The following TGM7 variants were observed in gnomAD, a reference collection of about 807,000 sequenced individuals.
TGM7 encodes transglutaminase 7, also known as protein-glutamine gamma-glutamyltransferase Z.
In TGM7, 74 loss-of-function variants were observed where a neutral mutation model predicts 79.5. The ratio of observed to expected loss-of-function variants is 0.93; its 90% CI spans 0.77 to 1.13. The LOEUF is 1.13. Among genes scored for constraint, TGM7 ranks in the 50% most tolerant of loss-of-function variants. TGM7 has a pLI of 0.00. For missense variants in TGM7, 912 were observed against 905.9 expected (o/e 1.01, Z -0.09); for synonymous variants, 354 against 362.5 (o/e 0.98, Z 0.27).
At chr15:43,293,681 C>T (rs2042977066) in intron 1 of TGM7, 50 bp from the exon 2 acceptor site, 1 of 1,450,902 alleles carries the variant, frequency 6.9e-7, no homozygotes. Flanking sequence ...CCCCTGGGCT[C>T]AGGCATCCCT....
rs187158575 is a variant in TGM7, at chr15:43,282,942, C to T, written c.1005-322G>A. 8.2e-3 allele frequency among the ~76,000 whole-genome samples: 1,254 copies of T among 152,126 alleles called. 28 individuals are homozygous for T. The highest frequency in any genetic ancestry group is 0.066 in the East Asian group (343 of 5,160). On this transcript the variant is annotated intron_variant, in intron 7 of 12. Transcript: ENST00000452443. ...GCGGGCACCTGTAGTCCCAGCTACT[C>T]GGGAGGCTGAGGCAGGAGAATGGTG...
chr15:43,290,739 A>C (rs1218393796), intron 4 of TGM7, among the ~76,000 whole-genome samples: 4 of 151,992 alleles, frequency 2.6e-5, no homozygotes, highest in South Asian at 2.1e-4. Context: ...CTTTTATTTC[A>C]TTGAGCAGTG....
chr15:43,279,631 C>G lies in TGM7; in HGVS notation c.1672G>C (p.Gly558Arg). 1 of 1,581,138 alleles carries G rather than the reference C, an allele frequency of 6.3e-7. No individual in the cohort carries two copies. The highest frequency in any genetic ancestry group is 8.6e-7 in the Non-Finnish European group (1 of 1,160,668). The change falls in exon 10 of 13, where the codon GGG becomes CGG. Residue 558 changes from glycine to arginine, a missense_variant. Transcript: ENST00000452443. ...AGGCCTGCCTCACACTCACCCTTCC[C>G]AAAGTCCAGGTTCATCCGCACTGTG... The part of the protein sequence containing the change: ...RHTVRMNLDF[G>R]KETQWPLLLP...
At position 43,276,479 on chromosome 15, in the gene TGM7, G is replaced by C. The variant is rs964729139; in HGVS notation, c.2109C>G (p.Phe703Leu). 2 of 1,613,716 alleles carry C rather than the reference G, an allele frequency of 1.2e-6. No homozygotes were observed. The highest frequency in any genetic ancestry group is 1.7e-6 in the Non-Finnish European group (2 of 1,179,890). Residue 703 changes from phenylalanine (F) to leucine (L), a missense_variant, in exon 13 of 13, where the codon TTC becomes TTG. Phe to Leu is a conservative substitution (Grantham distance 22). Coordinates refer to ENST00000452443, the MANE Select transcript of TGM7 (RefSeq NM_052955.3). The part of the protein sequence containing the change: ...VKEIKGYKDI[F>L]VTVAGAP ...CTCAGGGAGCCCCAGCCACAGTGAC[G>C]AAGATGTCCTTGTAGCCTTTGATCT...
At chr15:43,293,309 T>G in intron 2 of TGM7, 140 bp downstream of exon 2, 4 of 1,156,224 alleles carry the variant, frequency 3.5e-6, no homozygotes, top group Non-Finnish European at 4.9e-6. Flanking sequence ...AACAGGGTCC[T>G]GAGCATGAGG....
In TGM7 at chr15:43,284,893, C is replaced by T. The variant is rs1418381270; in HGVS notation, c.925G>A (p.Val309Met). Residue 309 changes from valine (V) to methionine (M), a missense_variant, in exon 7 of 13, where the codon GTG (valine) becomes ATG (methionine). Val to Met is a conservative substitution (Grantham distance 21). Coordinates refer to ENST00000452443, the MANE Select transcript of TGM7 (RefSeq NM_052955.3). ...GTATCGATGGTCAAGTTCCTATCCA[C>T]GTTGTGCGCGGAACGGAAATTGGAA... ...VVSNFRSAHN[V>M]DRNLTIDTYY... 9 of 1,614,174 alleles carry T rather than the reference C, an allele frequency of 5.6e-6. No individual in the cohort carries two copies. Among genetic ancestry groups the T allele is most frequent in the East Asian group, 4.5e-5 (2 of 44,884 alleles).
intron 6 of TGM7, 40 bp from the exon 7 acceptor site, chr15:43,284,992 G>A: frequency 6.2e-7 from 1 of 1,609,358 alleles, no homozygotes; most frequent in Non-Finnish European, 8.5e-7. Context: ...GTTCATTTCA[G>A]GCAGAATTAT....
At chr15:43,285,849 AACAC>A (rs57197257) in intron 6 of TGM7, among the ~76,000 whole-genome samples, 12 of 150,194 alleles carry the variant, frequency 8.0e-5, no homozygotes, top group Admixed American at 6.6e-4. Context: ...CATACACACA[AACAC>A]ACACACACAC....
chr15:43,294,207 C>T lies in TGM7; in HGVS notation c.11-576G>A, dbSNP rs77729745. ...GGGACTTCAGCCATAGGGCAAGTCCCTGCTTTGGAATTCTGGACACTCTCT... is the reference window on the plus strand; with the variant it reads ...GGGACTTCAGCCATAGGGCAAGTCCTTGCTTTGGAATTCTGGACACTCTCT... On this transcript the variant is annotated intron_variant, in intron 1 of 12. Transcript: ENST00000452443. 1.7e-3 allele frequency among the ~76,000 whole-genome samples: 255 copies of T among 152,314 alleles called. 1 individual carries two copies. Among genetic ancestry groups the T allele is most frequent in the African/African-American group, 5.7e-3 (238 of 41,556 alleles).
chr15:43,298,348 C>T (rs1015077402), intron 1 of TGM7, among the ~76,000 whole-genome samples: 2 of 152,142 alleles, frequency 1.3e-5, no homozygotes, highest in African/African-American at 2.4e-5. Flanking sequence ...AGGAGGGGCT[C>T]GAGCCCGGGC....
Position 43,287,634 on chromosome 15 carries a change from G to A in TGM7, c.594C>T (p.Ile198=), listed in dbSNP as rs2042943065. The change falls in exon 5 of 13, where the codon ATC becomes ATT. Residue 198 remains isoleucine (I), a synonymous_variant. Transcript: ENST00000452443. ...EEDIIDICFE[I]LNKSLYHLKN... ...TTAAGTGATACAGGCTCTTGTTCAG[G>A]ATCTCAAAGCAGATGTCTATGATGT... is the stretch of plus-strand genomic sequence containing the variant. 1.2e-6 allele frequency: 2 copies of A among 1,614,022 alleles called. No homozygotes were observed. The highest frequency in any genetic ancestry group is 2.2e-5 in the South Asian group (2 of 91,068).
chr15:43,286,207 TG>T (rs1472410770), intron 6 of TGM7, among the ~76,000 whole-genome samples: 3 of 152,172 alleles, frequency 2.0e-5, no homozygotes, highest in Non-Finnish European at 4.4e-5. Flanking sequence ...ACACCTGGGC[TG>T]GAAGTGGCCA....
intron 1 of TGM7, among the ~76,000 whole-genome samples, chr15:43,301,458 C>T (rs1318887656): frequency 1.3e-5 from 2 of 151,348 alleles, no homozygotes; most frequent in Non-Finnish European, 2.9e-5. Context: ...GGCGAAACCC[C>T]ACCTCTACTA....
At chr15:43,282,182 C>A (rs1376038740) in intron 8 of TGM7, 96 bp from the exon 9 acceptor site, 14 of 1,512,754 alleles carry the variant, frequency 9.3e-6, no homozygotes, top group Non-Finnish European at 1.3e-5. Flanking sequence ...CACTGACTCT[C>A]ACCCGTGGGA....
At chr15:43,282,167 G>A (rs1218556874) in intron 8 of TGM7, 81 bp from the exon 9 acceptor site, 7 of 1,560,006 alleles carry the variant, frequency 4.5e-6, no homozygotes, top group East Asian at 2.3e-5. Context: ...GATAGGCAGC[G>A]GCACCACTGA....
In TGM7 at chr15:43,281,963, T is replaced by A. The variant is rs2042911471; in HGVS notation, c.1232A>T (p.Asp411Val). The change falls in exon 9 of 13, where the codon GAT becomes GTT. Residue 411 changes from aspartate (D) to valine (V), a missense_variant. Asp to Val is a radical substitution (Grantham distance 152). Coordinates refer to ENST00000452443, the MANE Select transcript of TGM7 (RefSeq NM_052955.3). ...NADEVIWLLG[D>V]GQAQEILAHN... ...GGCCAGGATTTCCTGGGCCTGGCCA[T>A]CCCCAAGGAGCCAAATGACTTCATC... 6.2e-7 allele frequency: 1 copy of A among 1,614,062 alleles called. No homozygotes were observed. The highest frequency in any genetic ancestry group is 1.7e-5 in the Admixed American group (1 of 59,990).
At chr15:43,297,180 G>A (rs2043000188) in intron 1 of TGM7, among the ~76,000 whole-genome samples, 2 of 152,144 alleles carry the variant, frequency 1.3e-5, no homozygotes, top group South Asian at 4.1e-4. Flanking sequence ...GACAGGCCGG[G>A]CACAGTGGCT....
intron 2 of TGM7, 26 bp downstream of exon 2, chr15:43,293,423 G>A (rs745481038): frequency 3.8e-6 from 6 of 1,563,794 alleles, no homozygotes; most frequent in Non-Finnish European, 5.2e-6. Flanking sequence ...CGGAACCTGC[G>A]GGGCCTTGGG....
At chr15:43,277,092 G>T in intron 11 of TGM7, 97 bp from the exon 12 acceptor site, 13 of 1,504,196 alleles carry the variant, frequency 8.6e-6, no homozygotes, top group Non-Finnish European at 1.1e-5. Flanking sequence ...CGACCACCAG[G>T]AACTGCGGCT....
Sources: gnomAD v4.1 joint callset for allele counts (sites outside exome capture counted in the v4.1 genomes callset) on GRCh38, gnomAD v4.1.1 for gene constraint, MANE v1.5 for transcripts, NCBI Gene and HGNC (gene_info 2026-07-23, HGNC 2026-07-21) for gene names.